The following TJAP1 variants were observed in gnomAD, a reference collection of about 807,000 sequenced individuals.
TJAP1 encodes tight junction-associated protein 1.
A neutral mutation model predicts 42.0 loss-of-function variants in TJAP1; 27 were observed. The observed-to-expected ratio is 0.64, with a 90% confidence interval of 0.47 to 0.89. TJAP1 has a LOEUF of 0.89. Among genes scored for constraint, TJAP1 ranks in the 40% least tolerant of loss-of-function variants. The pLI is 0.00. For missense variants in TJAP1, 712 were observed against 726.9 expected, an observed-to-expected ratio of 0.98 and a Z score of 0.24; for synonymous variants, 257 against 288.4, an observed-to-expected ratio of 0.89 and a Z score of 1.10.
rs540983845 is a variant in TJAP1, at chr6:43,502,412, T to G, written c.357+63T>G. ...CTCATAGCATAGCAGGGGGCCAGGA[T>G]TTGCCAGGGGAATGCCACTCTGCCC... On this transcript the variant is annotated intron_variant, in intron 7 of 10. Transcript: ENST00000372449. 3.8e-6 allele frequency: 6 copies of G among 1,580,770 alleles called. No individual in the cohort carries two copies. In the South Asian group the frequency reaches 4.5e-5, roughly 12 times the overall value.
intron 4 of TJAP1, among the ~76,000 whole-genome samples, chr6:43,500,114 C>T (rs573115435): frequency 1.2e-4 from 19 of 152,266 alleles, no homozygotes; most frequent in Middle Eastern, 3.4e-3. Context: ...TTCCCTCTCG[C>T]GATAGCAGGG....
At chr6:43,490,574 G>A (rs552633674) in intron 2 of TJAP1, among the ~76,000 whole-genome samples, 32 of 152,340 alleles carry the variant, frequency 2.1e-4, no homozygotes, top group African/African-American at 7.5e-4. Flanking sequence ...GGATTGGGGA[G>A]GTAGAGGAAA....
At chr6:43,489,321 C>T (rs895933319) in intron 2 of TJAP1, among the ~76,000 whole-genome samples, 3 of 152,222 alleles carry the variant, frequency 2.0e-5, no homozygotes, top group Non-Finnish European at 4.4e-5. Flanking sequence ...TGTTGCTCCT[C>T]TGGGGCTGGT....
At chr6:43,480,754 G>A (rs114932063) in intron 2 of TJAP1, among the ~76,000 whole-genome samples, 7,676 of 152,244 alleles carry the variant, frequency 0.05, 310 homozygotes, top group African/African-American at 0.11. Flanking sequence ...GACCTCAGGC[G>A]ATCTGCCTAC....
In TJAP1 at chr6:43,505,723, C is replaced by T. The variant is rs764689288; in HGVS notation, c.1542C>T (p.His514=). The stretch of plus-strand genomic sequence containing the variant: ...CAGAGGAGGGGCCAGGCACTTCCCA[C>T]ACCGAGGGCAGGGCCTGGCCACTCC... The change falls in exon 11 of 11, where the codon CAC becomes CAT. Residue 514 remains histidine (H), a synonymous_variant. Coordinates refer to ENST00000372449, the Ensembl canonical transcript of TJAP1. The surrounding 1 kb of genome is among the most constrained non-coding windows in gnomAD (Gnocchi z 5.5). 6.4e-7 allele frequency: 1 copy of T among 1,567,150 alleles called. No homozygotes were observed. The highest frequency in any genetic ancestry group is 2.3e-5 in the East Asian group (1 of 44,382).
At chr6:43,501,927 A>ACTCTCTCTCTCT (rs201624955) in intron 6 of TJAP1, among the ~76,000 whole-genome samples, 1 of 71,594 alleles carries the variant, frequency 1.4e-5, no homozygotes, top group Non-Finnish European at 2.5e-5. Flanking sequence ...ACACACACAC[A>ACTCTCTCTCTCT]CTCTCTCTCT....
At chr6:43,496,073 A>G (rs1421067358) in intron 2 of TJAP1, among the ~76,000 whole-genome samples, 2 of 152,106 alleles carry the variant, frequency 1.3e-5, no homozygotes, top group African/African-American at 4.8e-5. Flanking sequence ...GCTTCCTGAG[A>G]TGACTGGGGA....
Position 43,480,386 on chromosome 6 carries a change from T to G in TJAP1, c.-122+2154T>G, listed in dbSNP as rs573818531. ...TGTTAAAATGCCAGTGATTTCCTGTTTGAAGCTGTGAGGCTACACAATTAT... is the reference window on the plus strand; with the variant it reads ...TGTTAAAATGCCAGTGATTTCCTGTGTGAAGCTGTGAGGCTACACAATTAT... On this transcript the variant is annotated intron_variant, in intron 2 of 10. Coordinates refer to ENST00000372449, the Ensembl canonical transcript of TJAP1. 1.2e-3 allele frequency among the ~76,000 whole-genome samples: 183 copies of G among 152,362 alleles called. 1 individual carries two copies. The highest frequency in any genetic ancestry group is 4.2e-3 in the African/African-American group (174 of 41,580).
intron 2 of TJAP1, among the ~76,000 whole-genome samples, chr6:43,484,224 T>C (rs750349312): frequency 1.8e-4 from 28 of 152,124 alleles, no homozygotes; most frequent in Middle Eastern, 6.3e-3. Flanking sequence ...TTTGGGAGGC[T>C]GAGGTGGGTG....
intron 2 of TJAP1, among the ~76,000 whole-genome samples, chr6:43,496,765 G>T (rs1163829717): frequency 1.3e-5 from 2 of 152,226 alleles, no homozygotes; most frequent in African/African-American, 2.4e-5. Context: ...TTAGGTTGAT[G>T]GGGGCGGGAA....
At chr6:43,480,184 T>C (rs1481379970) in intron 2 of TJAP1, among the ~76,000 whole-genome samples, 3 of 152,246 alleles carry the variant, frequency 2.0e-5, no homozygotes, top group East Asian at 3.8e-4. Context: ...GTTTTAGTTA[T>C]ACTAGTCAGA....
chr6:43,502,672 G>C (rs1236516347), intron 8 of TJAP1, 55 bp downstream of exon 8: 2 of 1,543,856 alleles, frequency 1.3e-6, no homozygotes, highest in Non-Finnish European at 1.8e-6. Flanking sequence ...CCTCAGCTGA[G>C]ATCTGGGATT....
At chr6:43,486,058 G>A (rs1459196639) in intron 2 of TJAP1, among the ~76,000 whole-genome samples, 6 of 150,692 alleles carry the variant, frequency 4.0e-5, no homozygotes, top group African/African-American at 1.5e-4. Flanking sequence ...TGCAACCTCC[G>A]CCTCCTGGGT....
chr6:43,487,633 G>A (rs1786822728), intron 2 of TJAP1, among the ~76,000 whole-genome samples: 1 of 152,118 alleles, frequency 6.6e-6, no homozygotes, highest in African/African-American at 2.4e-5. Context: ...TCATGGAAGG[G>A]AAAGAGCTTC....
At chr6:43,479,792 A>C (rs1484505496) in intron 2 of TJAP1, among the ~76,000 whole-genome samples, 1 of 152,194 alleles carries the variant, frequency 6.6e-6, no homozygotes, top group Non-Finnish European at 1.5e-5. Context: ...CAACAAGGTG[A>C]AACCCCATCT....
chr6:43,504,465 T>G, intron 10 of TJAP1: 1 of 450,102 alleles, frequency 2.2e-6, no homozygotes, highest in Non-Finnish European at 4.0e-6. Flanking sequence ...TTCTCCAAAC[T>G]TAAGTATGGT....
intron 2 of TJAP1, among the ~76,000 whole-genome samples, chr6:43,486,455 A>T (rs1786553709): frequency 7.0e-6 from 1 of 143,494 alleles, no homozygotes; most frequent in African/African-American, 2.6e-5. Flanking sequence ...TCCTGGGTTT[A>T]AGCAATTCTC....
At chr6:43,502,108 T>TCTCC (rs1791040334) in intron 6 of TJAP1, among the ~76,000 whole-genome samples, 175 bp from the exon 7 acceptor site, 1 of 150,416 alleles carries the variant, frequency 6.6e-6, no homozygotes, top group Non-Finnish European at 1.5e-5. Context: ...TCTCTCTCTC[T>TCTCC]CTCCTTTCAT....
chr6:43,502,074 ACACTCTCTCT>A lies in TJAP1; in HGVS notation c.291-207_291-198del, dbSNP rs1790982783. Reference sequence around the variant, plus strand: ...CACACACACACACACACACACACACACACTCTCTCTCTCTCTCTCTCTCTCTCTCTCTCTC... The same window carrying A: ...CACACACACACACACACACACACACACTCTCTCTCTCTCTCTCTCTCTCTC... On this transcript the variant is annotated intron_variant, in intron 6 of 10. Transcript: ENST00000372449. Among the ~76,000 whole-genome samples the A allele has an allele frequency of 9.5e-5, 9 of 94,742 alleles. No individual in the cohort carries two copies. In the South Asian group the frequency reaches 3.1e-3, roughly 32 times the overall value. The allele number at this position is 94,742 out of a possible 152,430, so 62.2% of individuals were successfully genotyped here.
Sources: gnomAD v4.1 joint callset for allele counts (sites outside exome capture counted in the v4.1 genomes callset) on GRCh38, gnomAD v4.1.1 for gene constraint, Gnocchi (gnomAD v3.1) non-coding constraint, MANE v1.5 for transcripts, NCBI Gene and HGNC (gene_info 2026-07-23, HGNC 2026-07-21) for gene names.